Variants in KIAA0513 observed in about 807,000 individuals in gnomAD.
The protein encoded by KIAA0513 is uncharacterized protein KIAA0513.
KIAA0513 carries 39 observed loss-of-function variants against 56.5 expected under a neutral mutation model. The observed-to-expected ratio is 0.69, with a 90% CI of 0.53 to 0.90. KIAA0513 has a LOEUF of 0.90. KIAA0513 is among the 40% of genes least tolerant of loss of function. The pLI is 0.00. For synonymous variants in KIAA0513, 268 were observed against 215.6 expected, an observed-to-expected ratio of 1.24 and a Z score of -2.13; for missense variants, 591 against 535.2, an observed-to-expected ratio of 1.10 and a Z score of -1.03.
chr16:85,032,925 G>A (rs190898455), intron 1 of KIAA0513, among the ~76,000 whole-genome samples: 209 of 152,124 alleles, frequency 1.4e-3, no homozygotes, highest in Non-Finnish European at 2.6e-3. Context: ...GACCGCGCCC[G>A]GCCCCACAGA....
intron 1 of KIAA0513, among the ~76,000 whole-genome samples, chr16:85,028,968 A>G (rs1213753889): frequency 6.6e-6 from 1 of 152,236 alleles, no homozygotes; most frequent in Non-Finnish European, 1.5e-5. Context: ...GCCTAAAAGC[A>G]GGGCAGAGAG....
At chr16:85,062,422 C>T (rs1287582276) in intron 1 of KIAA0513, among the ~76,000 whole-genome samples, 1 of 152,196 alleles carries the variant, frequency 6.6e-6, no homozygotes, top group African/African-American at 2.4e-5. Flanking sequence ...ATGGGGCCTA[C>T]GATGCGAATT....
At chr16:85,064,100 G>T (rs917926782) in intron 1 of KIAA0513, among the ~76,000 whole-genome samples, 24 of 148,486 alleles carry the variant, frequency 1.6e-4, no homozygotes, top group Middle Eastern at 3.5e-3. Context: ...CTGCCTCCCA[G>T]GTTCAACCGA....
intron 1 of KIAA0513, among the ~76,000 whole-genome samples, chr16:85,049,122 C>G (rs1185710670): frequency 2.0e-5 from 3 of 152,256 alleles, no homozygotes; most frequent in African/African-American, 7.2e-5. Context: ...TGGGCAGCTA[C>G]AAGCAGCTCC....
chr16:85,079,473 G>C lies in KIAA0513; in HGVS notation c.902+470G>C, dbSNP rs188396653. 648 of 171,204 alleles carry C rather than the reference G, an allele frequency of 3.8e-3. 4 individuals carry two copies. The highest frequency in any genetic ancestry group is 0.015 in the African/African-American group (619 of 42,670). 10.6% of individuals were successfully genotyped at this position (171,204 alleles called of 1,614,324 possible). On this transcript the variant is annotated intron_variant, in intron 8 of 12. Transcript: ENST00000683363. The stretch of plus-strand genomic sequence containing the variant: ...CTATTAGCCAGCCATGAAAAGCAAT[G>C]GCATGCTGCTCCACGCTGTAGCAGG...
At chr16:85,038,410 ATTTATTT>A (rs1441810180) in intron 1 of KIAA0513, among the ~76,000 whole-genome samples, 2 of 152,182 alleles carry the variant, frequency 1.3e-5, no homozygotes, top group Non-Finnish European at 2.9e-5. Context: ...TAGCAGTATA[ATTTATTT>A]TTTAATTGGC....
intron 1 of KIAA0513, among the ~76,000 whole-genome samples, chr16:85,032,418 T>C (rs1235407492): frequency 6.6e-6 from 1 of 152,210 alleles, no homozygotes; most frequent in Non-Finnish European, 1.5e-5. Context: ...CTGCAACCAC[T>C]GCCTCCCAAG....
At chr16:85,037,781 T>G (rs560556994) in intron 1 of KIAA0513, among the ~76,000 whole-genome samples, 11 of 152,160 alleles carry the variant, frequency 7.2e-5, no homozygotes, top group African/African-American at 2.7e-4. Flanking sequence ...TTAATGGAAG[T>G]AGAATTAACA....
At position 85,090,796 on chromosome 16, in the gene KIAA0513, G is replaced by A. The variant is rs62049928; in HGVS notation, c.*2471G>A. 0.25 allele frequency: 38,011 copies of A among 152,570 alleles called. 5,031 individuals carry two copies. Among genetic ancestry groups the A allele is most frequent in the Middle Eastern group, 0.35 (105 of 300 alleles). The allele number at this position is 152,570 out of a possible 1,614,324, so 9.5% of individuals were successfully genotyped here. A position where few individuals can be genotyped will look rare whatever the true frequency, so the allele number is the denominator to read the frequency against. ...TGGAGGCTGCCTGTGGTCTCCTTCC[G>A]GCTGTGGCTGACAGTGGCTCTGGCC... is the stretch of plus-strand genomic sequence containing the variant. On this transcript the variant is annotated 3_prime_UTR_variant, in exon 13 of 13. Coordinates refer to ENST00000683363, the MANE Select transcript of KIAA0513 (RefSeq NM_001388359.1).
intron 1 of KIAA0513, among the ~76,000 whole-genome samples, chr16:85,042,968 G>C (rs889402819): frequency 9.9e-5 from 15 of 152,156 alleles, no homozygotes; most frequent in African/African-American, 3.6e-4. Flanking sequence ...AGAAAACTGT[G>C]ATTGTATATA....
chr16:85,071,977 G>A, intron 3 of KIAA0513, 95 bp downstream of exon 3: 2 of 821,264 alleles, frequency 2.4e-6, no homozygotes, highest in Non-Finnish European at 4.0e-6. Flanking sequence ...ATGACACTCT[G>A]GAGAAAAGAG....
intron 6 of KIAA0513, 123 bp downstream of exon 6, chr16:85,077,755 G>A: frequency 1.4e-6 from 1 of 716,888 alleles, no homozygotes; most frequent in Non-Finnish European, 2.3e-6. Context: ...ACACTGCGCT[G>A]CCCAGCCACT....
At position 85,045,996 on chromosome 16, in the gene KIAA0513, A is replaced by G. The variant is rs562196663; in HGVS notation, c.-173+18138A>G. Among the ~76,000 whole-genome samples the G allele has an allele frequency of 2.4e-4, 37 of 152,306 alleles. No individual in the cohort carries two copies. In the South Asian group the frequency reaches 7.5e-3, roughly 31 times the overall value. On this transcript the variant is annotated intron_variant, in intron 1 of 12. Transcript: ENST00000683363. ...GGGACGACCACCCGAGGAAGGATCC[A>G]CAGGAAATGTCGCAGGGGGTGGGTC...
Position 85,079,065 on chromosome 16 carries a change from G to A in KIAA0513, c.902+62G>A, listed in dbSNP as rs896166619. The A allele has an allele frequency of 3.5e-5, 56 of 1,612,706 alleles. 1 individual carries two copies. In the South Asian group the frequency reaches 5.1e-4, roughly 15 times the overall value. ...CTGACGGGGCCAGCAGTCACTCCCC[G>A]GGATCACTTCTAGCTGCCTTTGTCC... On this transcript the variant is annotated intron_variant, in intron 8 of 12. Coordinates refer to ENST00000683363, the MANE Select transcript of KIAA0513 (RefSeq NM_001388359.1).
At chr16:85,030,365 C>T (rs775419963) in intron 1 of KIAA0513, among the ~76,000 whole-genome samples, 2 of 152,120 alleles carry the variant, frequency 1.3e-5, no homozygotes, top group African/African-American at 2.4e-5. Flanking sequence ...GTTGTGAAAC[C>T]AAGGGAGCTG....
At chr16:85,055,132 A>C (rs1402582873) in intron 1 of KIAA0513, among the ~76,000 whole-genome samples, 1 of 152,026 alleles carries the variant, frequency 6.6e-6, no homozygotes, top group Non-Finnish European at 1.5e-5. Context: ...CTGTGTGCCC[A>C]GGCTGGTCTC....
At chr16:85,041,766 C>T (rs1405869413) in intron 1 of KIAA0513, among the ~76,000 whole-genome samples, 3 of 152,118 alleles carry the variant, frequency 2.0e-5, no homozygotes, top group African/African-American at 7.2e-5. Context: ...ACCCTGGGTT[C>T]CCCTGTTTCT....
intron 1 of KIAA0513, among the ~76,000 whole-genome samples, chr16:85,047,395 C>G (rs1401065294): frequency 6.6e-6 from 1 of 152,224 alleles, no homozygotes; most frequent in African/African-American, 2.4e-5. Flanking sequence ...CCTGGGCCTC[C>G]TATCTTCACC....
intron 1 of KIAA0513, among the ~76,000 whole-genome samples, chr16:85,043,314 C>A (rs954885348): frequency 2.0e-5 from 3 of 152,082 alleles, no homozygotes; most frequent in African/African-American, 7.2e-5. Flanking sequence ...GAAACAACCT[C>A]CAGCCTCCGT....
Sources: gnomAD v4.1 joint callset for allele counts (sites outside exome capture counted in the v4.1 genomes callset) on GRCh38, gnomAD v4.1.1 for gene constraint, MANE v1.5 for transcripts, NCBI Gene and HGNC (gene_info 2026-07-23, HGNC 2026-07-21) for gene names.